LUZP2: variants seen among roughly 807,000 people sequenced by gnomAD.
The protein encoded by LUZP2 is leucine zipper protein 2.
A neutral mutation model predicts 51.6 loss-of-function variants in LUZP2; 52 were observed. That is an observed-to-expected ratio of 1.01 (90% CI 0.81 to 1.27). The LOEUF is 1.27. Among genes scored for constraint, LUZP2 ranks in the 50% most tolerant of loss-of-function variants. The pLI is 0.00. For missense variants in LUZP2, 436 were observed against 395.4 expected, an observed-to-expected ratio of 1.10 and a Z score of -0.87; for synonymous variants, 154 against 137.3, an observed-to-expected ratio of 1.12 and a Z score of -0.85.
intron 1 of LUZP2, among the ~76,000 whole-genome samples, chr11:24,587,776 C>T (rs1401487442): frequency 6.6e-6 from 1 of 151,774 alleles, no homozygotes; most frequent in Admixed American, 6.6e-5. Flanking sequence ...TCAGTCTAGA[C>T]AGTTTTTTTT....
rs184413405 is a variant in LUZP2 at position 24,715,490 on chromosome 11, A to C, written c.63-13679A>C. ...TCAGGGAGTGTCCTATATGCAACTTAGATTATATTGCTTGCTGATTTATAA... is the reference window on the plus strand; with the variant it reads ...TCAGGGAGTGTCCTATATGCAACTTCGATTATATTGCTTGCTGATTTATAA... On this transcript the variant is annotated intron_variant, in intron 1 of 11. Transcript: ENST00000336930. Among the ~76,000 whole-genome samples, 111 of 152,276 alleles carry C rather than the reference A, an allele frequency of 7.3e-4. 2 individuals are homozygous for C. The South Asian group carries it at 0.015, about 21-fold the overall frequency.
chr11:24,882,991 G>GAAGGAAAGA (rs1852533309), intron 5 of LUZP2, among the ~76,000 whole-genome samples: 1 of 140,696 alleles, frequency 7.1e-6, no homozygotes, highest in African/African-American at 3.0e-5. Context: ...AGGAAGGAAG[G>GAAGGAAAGA]AAAGAAAAGA....
intron 7 of LUZP2, among the ~76,000 whole-genome samples, chr11:24,917,558 G>A (rs1325968537): frequency 6.6e-6 from 1 of 152,086 alleles, no homozygotes; most frequent in Non-Finnish European, 1.5e-5. Context: ...CATATGGCTA[G>A]CCAGTTTTCC....
At chr11:24,825,528 T>A (rs1364737318) in intron 5 of LUZP2, among the ~76,000 whole-genome samples, 1 of 152,168 alleles carries the variant, frequency 6.6e-6, no homozygotes, top group Non-Finnish European at 1.5e-5. Flanking sequence ...TTGACACTGT[T>A]CTTGGTCTTG....
intron 9 of LUZP2, among the ~76,000 whole-genome samples, chr11:25,021,194 G>A (rs1477685369): frequency 6.6e-6 from 1 of 151,898 alleles, no homozygotes; most frequent in Non-Finnish European, 1.5e-5. Context: ...CAAAATCTAT[G>A]AAAGCACAAA....
intron 9 of LUZP2, among the ~76,000 whole-genome samples, chr11:25,044,960 C>G (rs1858248551): frequency 6.8e-6 from 1 of 147,876 alleles, no homozygotes; most frequent in Non-Finnish European, 1.5e-5. Flanking sequence ...ATCGCAAGGA[C>G]AAAAAACCAA....
intron 9 of LUZP2, among the ~76,000 whole-genome samples, chr11:25,013,775 T>A (rs1467200555): frequency 6.6e-6 from 1 of 151,958 alleles, no homozygotes; most frequent in Non-Finnish European, 1.5e-5. Context: ...ATACTTTAAG[T>A]TTTAGGGTAC....
chr11:24,656,545 T>G (rs1855810127), intron 1 of LUZP2, among the ~76,000 whole-genome samples: 1 of 152,152 alleles, frequency 6.6e-6, no homozygotes. Context: ...TGAGGTAAAA[T>G]CAAGGTGTCT....
intron 7 of LUZP2, among the ~76,000 whole-genome samples, chr11:24,929,620 A>G (rs11529214): frequency 0.38 from 57,252 of 151,852 alleles, 13,175 homozygotes; most frequent in East Asian, 0.72. Context: ...ATTGACTGAC[A>G]CTTGTTTTGT....
At chr11:24,950,798 A>C (rs1252929253) in intron 7 of LUZP2, among the ~76,000 whole-genome samples, 1 of 151,576 alleles carries the variant, frequency 6.6e-6, no homozygotes, top group Non-Finnish European at 1.5e-5. Flanking sequence ...GAAATATTTT[A>C]GTACTTTTTT....
intron 7 of LUZP2, among the ~76,000 whole-genome samples, chr11:24,930,482 G>A (rs769414797): frequency 6.6e-6 from 1 of 152,136 alleles, no homozygotes; most frequent in Non-Finnish European, 1.5e-5. Context: ...TATTTATGAA[G>A]CTTAGTTTCA....
At chr11:25,021,328 G>T (rs1028290409) in intron 9 of LUZP2, among the ~76,000 whole-genome samples, 10 of 151,832 alleles carry the variant, frequency 6.6e-5, no homozygotes, top group African/African-American at 1.9e-4. Context: ...GTTTTGGGAA[G>T]TAGAAGAAAT....
At chr11:24,923,671 T>C (rs1159480813) in intron 7 of LUZP2, among the ~76,000 whole-genome samples, 1 of 152,050 alleles carries the variant, frequency 6.6e-6, no homozygotes. Context: ...CACTCCAGCC[T>C]GGCACAGACG....
At chr11:25,019,683 A>G (rs1294861739) in intron 9 of LUZP2, among the ~76,000 whole-genome samples, 1 of 152,056 alleles carries the variant, frequency 6.6e-6, no homozygotes, top group African/African-American at 2.4e-5. Context: ...AGAATAGATG[A>G]TGGATTATTG....
At position 25,078,765 on chromosome 11, in the gene LUZP2, A is replaced by C; in HGVS notation, c.*107A>C. On this transcript the variant is annotated 3_prime_UTR_variant, in exon 12 of 12. Coordinates refer to ENST00000336930, the MANE Select transcript of LUZP2 (RefSeq NM_001009909.4). ...TTTCTAAAGCATGCAACTTTTTCAC[A>C]ATTTTATGTAACTTTATAAAGTAGC... 1 of 822,762 alleles carries C rather than the reference A, an allele frequency of 1.2e-6. No individual in the cohort carries two copies. Among genetic ancestry groups the C allele is most frequent in the Non-Finnish European group, 1.9e-6 (1 of 522,006 alleles). 51.0% of individuals were successfully genotyped at this position (822,762 alleles called of 1,614,324 possible).
intron 5 of LUZP2, among the ~76,000 whole-genome samples, chr11:24,805,213 G>A (rs1197612265): frequency 6.6e-6 from 1 of 152,050 alleles, no homozygotes; most frequent in African/African-American, 2.4e-5. Context: ...GAGAGAGCTT[G>A]TGCAGGCAAA....
intron 5 of LUZP2, among the ~76,000 whole-genome samples, chr11:24,821,395 A>T (rs1850351675): frequency 6.6e-6 from 1 of 152,150 alleles, no homozygotes; most frequent in Non-Finnish European, 1.5e-5. Context: ...CAAATCAGTT[A>T]GTCAATAGCA....
At chr11:24,633,341 A>C (rs113385160) in intron 1 of LUZP2, among the ~76,000 whole-genome samples, 12 of 151,978 alleles carry the variant, frequency 7.9e-5, no homozygotes, top group Admixed American at 5.3e-4. Flanking sequence ...TATAAAGTTG[A>C]CTTTAGCTGC....
intron 1 of LUZP2, among the ~76,000 whole-genome samples, chr11:24,617,892 G>A (rs1854343970): frequency 6.6e-6 from 1 of 151,932 alleles, no homozygotes; most frequent in Admixed American, 6.6e-5. Flanking sequence ...CTGGATCCTG[G>A]ATATTTGGGG....
Sources: allele counts gnomAD v4.1 joint callset (sites outside exome capture counted in the v4.1 genomes callset), GRCh38; gene constraint gnomAD v4.1.1; transcripts MANE v1.5; gene names NCBI Gene and HGNC (gene_info 2026-07-23, HGNC 2026-07-21).